The following INVS variants were observed in gnomAD, a reference collection of about 807,000 sequenced individuals.
INVS encodes the protein inversion of embryo turning homolog.
Under a neutral mutation model 108.8 loss-of-function variants are expected in INVS, and 86 were observed. The ratio of observed to expected loss-of-function variants is 0.79; its 90% CI spans 0.66 to 0.95. The LOEUF (loss-of-function observed/expected upper bound fraction) is 0.95, where lower values mean the gene tolerates loss of function less well. Among genes scored for constraint, INVS ranks in the 40% least tolerant of loss-of-function variants. INVS has a pLI of 0.00. For missense variants in INVS, 1,169 were observed against 1,297.4 expected, an observed-to-expected ratio of 0.90 and a Z score of 1.52; for synonymous variants, 455 against 473.5, an observed-to-expected ratio of 0.96 and a Z score of 0.51.
rs770695186 is a variant in INVS at position 100,300,707 on chromosome 9, C to A, written c.*33C>A. On this transcript the variant is annotated 3_prime_UTR_variant, in exon 17 of 17. Transcript: ENST00000262457. Reference sequence around the variant, plus strand: ...TGGAGGAAGACTGTGTTCGGGGGAGCTGGCATAGCTAGTGCAGAGTTCAGA... The same window carrying A: ...TGGAGGAAGACTGTGTTCGGGGGAGATGGCATAGCTAGTGCAGAGTTCAGA... The A allele has an allele frequency of 2.8e-6, 4 of 1,437,410 alleles. No homozygotes were observed. The Admixed American group carries it at 6.7e-5, about 24-fold the overall frequency. 89.0% of individuals were successfully genotyped at this position (1,437,410 alleles called of 1,614,324 possible). A position where few individuals can be genotyped will look rare whatever the true frequency, so the allele number is the denominator to read the frequency against.
At chr9:100,142,526 C>T (rs574024874) in intron 3 of INVS, among the ~76,000 whole-genome samples, 1 of 152,174 alleles carries the variant, frequency 6.6e-6, no homozygotes, top group Non-Finnish European at 1.5e-5. Context: ...CAGAGAGATA[C>T]AGTCATGAGG....
intron 11 of INVS, among the ~76,000 whole-genome samples, chr9:100,270,106 A>AT (rs921053368): frequency 7.0e-6 from 1 of 142,650 alleles, no homozygotes; most frequent in Non-Finnish European, 1.6e-5. Context: ...AATTTGGGGG[A>AT]TTTTTTTTAC....
intron 10 of INVS, among the ~76,000 whole-genome samples, chr9:100,256,086 T>C (rs963977351): frequency 7.2e-5 from 11 of 152,178 alleles, no homozygotes; most frequent in African/African-American, 2.7e-4. Flanking sequence ...TTGTCTCAAT[T>C]TCGGAGCCTG....
intron 3 of INVS, among the ~76,000 whole-genome samples, chr9:100,200,779 A>G (rs1830510700): frequency 1.3e-5 from 2 of 152,180 alleles, no homozygotes; most frequent in Non-Finnish European, 2.9e-5. Context: ...AAGGGAGTCT[A>G]TATGCATATA....
intron 3 of INVS, among the ~76,000 whole-genome samples, chr9:100,192,823 T>C (rs886535993): frequency 1.3e-5 from 2 of 152,206 alleles, no homozygotes; most frequent in Admixed American, 6.5e-5. Flanking sequence ...AATTTTCATA[T>C]GCTTAATAAT....
chr9:100,184,973 A>G lies in INVS; in HGVS notation c.274-41089A>G, dbSNP rs1413341473. Among the ~76,000 whole-genome samples, 4 of 152,214 alleles carry G rather than the reference A, an allele frequency of 2.6e-5. No individual in the cohort carries two copies. The South Asian group carries it at 6.2e-4, about 24-fold the overall frequency. On this transcript the variant is annotated intron_variant, in intron 3 of 16. Coordinates refer to ENST00000262457, the MANE Select transcript of INVS (RefSeq NM_014425.5). ...TTACCTGGGCAATTCTGTGTAATGC[A>G]TGCCATAGATTTATTGATTGTCAGT...
At chr9:100,198,264 A>ATTTTTTT (rs66710233) in intron 3 of INVS, among the ~76,000 whole-genome samples, 13 of 65,282 alleles carry the variant, frequency 2.0e-4, no homozygotes, top group Non-Finnish European at 2.8e-4. Context: ...GAGGGCTAGA[A>ATTTTTTT]TTTTTTTTTT....
chr9:100,224,572 G>T (rs1831248746), intron 3 of INVS, among the ~76,000 whole-genome samples: 1 of 151,964 alleles, frequency 6.6e-6, no homozygotes, highest in African/African-American at 2.4e-5. Flanking sequence ...GTAATGGTTG[G>T]CCTGGCTCAT....
intron 3 of INVS, among the ~76,000 whole-genome samples, chr9:100,157,473 A>G (rs1338830480): frequency 1.3e-5 from 2 of 151,904 alleles, no homozygotes; most frequent in African/African-American, 4.8e-5. Flanking sequence ...TCACCGTGTT[A>G]GCCAGGATGG....
chr9:100,284,589 C>G lies in INVS; in HGVS notation c.2054C>G (p.Ser685Cys). Reference sequence around the variant, plus strand: ...TCCTCAGATTTGCAGGGAACAAACTCCAGAAGGCCAAATGGTAGGTGTATT... The same window carrying G: ...TCCTCAGATTTGCAGGGAACAAACTGCAGAAGGCCAAATGGTAGGTGTATT... ...HVSSDLQGTN[S>C]RRPNETAREH... The change falls in exon 13 of 17, where the codon TCC (serine) becomes TGC (cysteine). Residue 685 changes from serine to cysteine, a missense_variant. Ser to Cys is a moderately radical substitution (Grantham distance 112, BLOSUM62 -1). Coordinates refer to ENST00000262457, the MANE Select transcript of INVS (RefSeq NM_014425.5). The G allele has an allele frequency of 1.9e-6, 3 of 1,613,482 alleles. No homozygotes were observed. Among genetic ancestry groups the G allele is most frequent in the Non-Finnish European group, 2.5e-6 (3 of 1,179,706 alleles).
intron 2 of INVS, among the ~76,000 whole-genome samples, chr9:100,105,850 CTTTTTTTTTTTTTTT>C (rs543070811): frequency 3.1e-5 from 2 of 63,800 alleles, no homozygotes; most frequent in Admixed American, 5.1e-4. Flanking sequence ...GAAAAATTCC[CTTTTTTTTTTTTTTT>C]TTTTTTTTTT....
chr9:100,240,765 G>T (rs1248306034), intron 6 of INVS, among the ~76,000 whole-genome samples: 1 of 151,960 alleles, frequency 6.6e-6, no homozygotes. Context: ...AATAGTCATT[G>T]TTATAAGATA....
chr9:100,175,564 G>A (rs1829684692), intron 3 of INVS: 2 of 723,216 alleles, frequency 2.8e-6, no homozygotes, highest in South Asian at 2.9e-5. Context: ...GTTAAGACTT[G>A]GTTCCAGAAC....
rs763374500 is a variant in INVS, at chr9:100,104,618, C to G, written c.97C>G (p.Leu33Val). ...TGGAGATAAGGGTGCTCTACAGAGG[C>G]TCATCGTAGGTAAGCAGTCCCCTTA... ...VNGDKGALQR[L>V]IVGNSALKDK... Residue 33 changes from leucine (L) to valine (V), a missense_variant, in exon 2 of 17, where the codon CTC (leucine) becomes GTC (valine). By Grantham distance (32) the Leu-to-Val change is conservative. Transcript: ENST00000262457. 2.5e-6 allele frequency: 4 copies of G among 1,611,346 alleles called. No individual in the cohort carries two copies. In the South Asian group the frequency reaches 4.4e-5, roughly 18 times the overall value.
At chr9:100,148,042 T>A (rs1488622344) in intron 3 of INVS, among the ~76,000 whole-genome samples, 22 of 144,448 alleles carry the variant, frequency 1.5e-4, no homozygotes, top group Non-Finnish European at 7.5e-5. Flanking sequence ...AAAAAAAAAA[T>A]TTAGCCGGCC....
intron 9 of INVS, 79 bp from the exon 10 acceptor site, chr9:100,252,827 AC>A: frequency 1.1e-6 from 1 of 922,328 alleles, no homozygotes; most frequent in Non-Finnish European, 1.7e-6. Flanking sequence ...CATTTAAGGA[AC>A]AATTGTTTTT....
chr9:100,133,338 ATGTGTGTGTG>A (rs140513551), intron 3 of INVS, among the ~76,000 whole-genome samples: 1 of 146,500 alleles, frequency 6.8e-6, no homozygotes, highest in Non-Finnish European at 1.5e-5. Context: ...CCTTTACTTT[ATGTGTGTGTG>A]TGTGTGTGTG....
chr9:100,187,778 C>G (rs555997562), intron 3 of INVS, among the ~76,000 whole-genome samples: 46 of 152,168 alleles, frequency 3.0e-4, no homozygotes, highest in African/African-American at 1.0e-3. Flanking sequence ...GCACAGCCTC[C>G]CAAAGTGCTG....
intron 3 of INVS, among the ~76,000 whole-genome samples, chr9:100,182,102 A>G (rs980955350): frequency 2.6e-5 from 4 of 152,216 alleles, no homozygotes; most frequent in African/African-American, 9.6e-5. Flanking sequence ...TACACCTTAT[A>G]CAAAAATTAA....
Sources: gnomAD v4.1 joint callset for allele counts (sites outside exome capture counted in the v4.1 genomes callset) on GRCh38, gnomAD v4.1.1 for gene constraint, MANE v1.5 for transcripts, NCBI Gene and HGNC (gene_info 2026-07-23, HGNC 2026-07-21) for gene names.